RPH3A: variants seen among roughly 807,000 people sequenced by gnomAD.
RPH3A encodes the protein rabphilin 3A, also known as rabphilin-3A.
RPH3A carries 48 observed loss-of-function variants against 102.2 expected under a neutral mutation model. That is an observed-to-expected ratio of 0.47 (90% CI 0.37 to 0.60). The LOEUF (loss-of-function observed/expected upper bound fraction) is 0.60, where lower values mean the gene tolerates loss of function less well. Ranked by LOEUF, RPH3A falls within the 20% of genes least tolerant of loss-of-function variation. The pLI is 0.00. For synonymous variants in RPH3A, 310 were observed against 324.3 expected (o/e 0.96, Z 0.47); for missense variants, 781 against 910.1 (o/e 0.86, Z 1.83).
chr12:112,730,167 A>G (rs2040622748), intron 1 of RPH3A, among the ~76,000 whole-genome samples: 1 of 152,184 alleles, frequency 6.6e-6, no homozygotes, highest in South Asian at 2.1e-4. Flanking sequence ...CCTGGCCGAC[A>G]CCTTGGTCTT....
At chr12:112,869,485 C>T (rs1593106480) in intron 8 of RPH3A, 1 of 397,294 alleles carries the variant, frequency 2.5e-6, no homozygotes, top group East Asian at 4.4e-5. Context: ...CACTAAAATA[C>T]TCCTTCTTCC....
intron 1 of RPH3A, among the ~76,000 whole-genome samples, chr12:112,610,871 T>C (rs1209370760): frequency 3.9e-5 from 6 of 152,242 alleles, no homozygotes; most frequent in Admixed American, 1.3e-4. Context: ...CTCCTGACCT[T>C]GTGATCCACC....
At chr12:112,794,772 A>C (rs1028258298) in intron 2 of RPH3A, among the ~76,000 whole-genome samples, 1 of 152,192 alleles carries the variant, frequency 6.6e-6, no homozygotes, top group Non-Finnish European at 1.5e-5. Flanking sequence ...ACAGTAAGTT[A>C]TGGCAGCAAC....
At position 112,713,023 on chromosome 12, in the gene RPH3A, C is replaced by CTCTTCCTCTTCCTCT. The variant is rs1473414104; in HGVS notation, c.-139-79115_-139-79114insCTCTTCCTCTTCTTC. On this transcript the variant is annotated intron_variant, in intron 1 of 21. Transcript: ENST00000543106. ...CCTCTTCCTCTTCCTCTTCCTCTTCCTCTTCTTCTTCTTCTTCTTCTTCTT... is the reference window on the plus strand; with the variant it reads ...CCTCTTCCTCTTCCTCTTCCTCTTCCTCTTCCTCTTCCTCTTCTTCTTCTTCTTCTTCTTCTTCTT... Among the ~76,000 whole-genome samples, 45 of 52,782 alleles carry CTCTTCCTCTTCCTCT rather than the reference C, an allele frequency of 8.5e-4. 4 individuals are homozygous for CTCTTCCTCTTCCTCT. Among genetic ancestry groups the CTCTTCCTCTTCCTCT allele is most frequent in the South Asian group, 2.0e-3 (2 of 1,004 alleles). 34.6% of individuals were successfully genotyped at this position (52,782 alleles called of 152,430 possible).
intron 3 of RPH3A, among the ~76,000 whole-genome samples, chr12:112,833,279 C>T (rs932963412): frequency 2.6e-5 from 4 of 152,176 alleles, no homozygotes; most frequent in African/African-American, 4.8e-5. Context: ...CCCAGCTCTT[C>T]GTTTAGTCCC....
At chr12:112,819,613 AT>A (rs138496888) in intron 2 of RPH3A, among the ~76,000 whole-genome samples, 12 of 152,274 alleles carry the variant, frequency 7.9e-5, no homozygotes, top group African/African-American at 2.9e-4. Context: ...ACAACCATTT[AT>A]TTACCTTATG....
chr12:112,680,112 A>C lies in RPH3A; in HGVS notation c.-140+104793A>C, dbSNP rs916889. Among the ~76,000 whole-genome samples, 1,386 of 152,206 alleles carry C rather than the reference A, an allele frequency of 9.1e-3. 27 individuals carry two copies. Among genetic ancestry groups the C allele is most frequent in the African/African-American group, 0.032 (1,318 of 41,526 alleles). On this transcript the variant is annotated intron_variant, in intron 1 of 21. Transcript: ENST00000543106. ...AATGGGGGCAGAAAAGGCTATGGGG[A>C]TGCAGTGATGTGAATGAGGGGCGAG...
At chr12:112,603,210 G>A (rs1259773929) in intron 1 of RPH3A, among the ~76,000 whole-genome samples, 1 of 152,096 alleles carries the variant, frequency 6.6e-6, no homozygotes, top group Non-Finnish European at 1.5e-5. Context: ...GAAGGTGAGA[G>A]AGACCTTCCT....
At chr12:112,671,081 T>C (rs192957627) in intron 1 of RPH3A, among the ~76,000 whole-genome samples, 1 of 152,336 alleles carries the variant, frequency 6.6e-6, no homozygotes, top group Admixed American at 6.5e-5. Flanking sequence ...CCACCAGCCA[T>C]GAGCCATTTA....
At chr12:112,592,411 C>T (rs1021901019) in intron 1 of RPH3A, among the ~76,000 whole-genome samples, 3 of 152,146 alleles carry the variant, frequency 2.0e-5, no homozygotes, top group African/African-American at 4.8e-5. Flanking sequence ...TTCTGCCTCC[C>T]GGGTTCAAGC....
In RPH3A at chr12:112,883,385, G is replaced by A; in HGVS notation, c.1419G>A (p.Met473Ile). Residue 473 changes from methionine to isoleucine, a missense_variant, in exon 16 of 22, where the codon ATG becomes ATA. Physicochemically the swap from Met to Ile is conservative, Grantham distance 10 (BLOSUM62 1). This residue lies in a region of RPH3A where 730 missense variants were observed against 810.0 expected (regional missense o/e 0.90). Transcript: ENST00000389385. Reference protein sequence around the residue: ...LVYHGITDEDMQRKTLRISVC... With the variant: ...LVYHGITDEDIQRKTLRISVC... ...ATCACGGCATCACCGATGAGGACAT[G>A]CAAAGGAAGACCCTCAGGTACCTGG... The A allele has an allele frequency of 6.2e-7, 1 of 1,613,816 alleles. No individual in the cohort carries two copies. Among genetic ancestry groups the A allele is most frequent in the Non-Finnish European group, 8.5e-7 (1 of 1,179,730 alleles).
chr12:112,855,255 A>G (rs1029570239), intron 5 of RPH3A, among the ~76,000 whole-genome samples: 2 of 152,188 alleles, frequency 1.3e-5, no homozygotes, highest in African/African-American at 4.8e-5. Context: ...ATGGGAGTGA[A>G]TAATAGAGCT....
At chr12:112,780,717 A>G (rs183240348) in intron 1 of RPH3A, among the ~76,000 whole-genome samples, 5 of 152,280 alleles carry the variant, frequency 3.3e-5, no homozygotes, top group African/African-American at 9.6e-5. Flanking sequence ...CATTTTACCA[A>G]TGAAGATGGA....
intron 1 of RPH3A, among the ~76,000 whole-genome samples, chr12:112,771,561 T>G (rs1234957087): frequency 6.6e-6 from 1 of 152,322 alleles, no homozygotes; most frequent in African/African-American, 2.4e-5. Context: ...TTTGAATAAA[T>G]CTGTGAGAAA....
intron 5 of RPH3A, among the ~76,000 whole-genome samples, chr12:112,857,451 C>T (rs146207448): frequency 2.1e-4 from 32 of 152,178 alleles, no homozygotes; most frequent in African/African-American, 7.5e-4. Context: ...ACAAGGGTTT[C>T]CTATGAGAGG....
At chr12:112,616,615 G>A (rs907253190) in intron 1 of RPH3A, among the ~76,000 whole-genome samples, 4 of 152,206 alleles carry the variant, frequency 2.6e-5, no homozygotes, top group African/African-American at 9.7e-5. Flanking sequence ...TAACAGAGGT[G>A]TCACTGAAGC....
intron 4 of RPH3A, among the ~76,000 whole-genome samples, chr12:112,844,222 T>C (rs1286775524): frequency 6.6e-6 from 1 of 152,180 alleles, no homozygotes; most frequent in African/African-American, 2.4e-5. Context: ...GCTGTCACTC[T>C]TGGGATCACA....
In RPH3A at chr12:112,752,077, C is replaced by G. The variant is rs150876828; in HGVS notation, c.-139-40066C>G. On this transcript the variant is annotated intron_variant, in intron 1 of 21. Transcript: ENST00000543106. ...AGGATGTGGTATTAGGGGTAAGTTT[C>G]AAGCCTTTCTTTTCATGTTATTTAG... Among the ~76,000 whole-genome samples the G allele has an allele frequency of 4.4e-3, 663 of 152,252 alleles. 7 individuals are homozygous for G. Among genetic ancestry groups the G allele is most frequent in the African/African-American group, 0.016 (652 of 41,542 alleles).
At chr12:112,829,986 G>A (rs2041941535) in intron 3 of RPH3A, among the ~76,000 whole-genome samples, 1 of 152,088 alleles carries the variant, frequency 6.6e-6, no homozygotes, top group Non-Finnish European at 1.5e-5. Flanking sequence ...GATTGAAATG[G>A]GAATGCCTTT....
Sources: allele counts gnomAD v4.1 joint callset (sites outside exome capture counted in the v4.1 genomes callset), GRCh38; gene constraint gnomAD v4.1.1; regional missense constraint gnomAD v4.1.1; transcripts MANE v1.5; gene names NCBI Gene and HGNC (gene_info 2026-07-23, HGNC 2026-07-21).